Variants in PKD2 observed in about 807,000 individuals in gnomAD.
PKD2 encodes polycystin-2.
In PKD2, 48 loss-of-function variants were observed where a neutral mutation model predicts 105.9. That is an observed-to-expected ratio of 0.45 (90% CI 0.36 to 0.58). The LOEUF (loss-of-function observed/expected upper bound fraction) is 0.58. PKD2 is among the 20% of genes least tolerant of loss of function. PKD2 has a pLI of 0.00. For synonymous variants in PKD2, 464 were observed against 481.1 expected (o/e 0.96, Z 0.46); for missense variants, 1,078 against 1,255.3 (o/e 0.86, Z 2.13).
chr4:88,020,440 C>T (rs1241086988), intron 2 of PKD2, among the ~76,000 whole-genome samples: 1 of 152,102 alleles, frequency 6.6e-6, no homozygotes, highest in Non-Finnish European at 1.5e-5. Context: ...TTCTTTCCTT[C>T]TTTCAGTTCG....
intron 10 of PKD2, among the ~76,000 whole-genome samples, chr4:88,062,567 A>G (rs912858012): frequency 3.3e-5 from 5 of 152,240 alleles, no homozygotes; most frequent in Non-Finnish European, 7.3e-5. Context: ...ATTGTTAAAT[A>G]GAAGGGCAGG....
chr4:88,048,451 C>T (rs1437761366), intron 6 of PKD2, among the ~76,000 whole-genome samples: 1 of 152,074 alleles, frequency 6.6e-6, no homozygotes, highest in African/African-American at 2.4e-5. Context: ...CCATATATTG[C>T]ATGGCAATAA....
intron 2 of PKD2, among the ~76,000 whole-genome samples, chr4:88,024,457 GAAAAAAAAAAAAAA>G (rs552942631): frequency 2.0e-4 from 10 of 50,388 alleles, no homozygotes; most frequent in South Asian, 9.6e-4. Flanking sequence ...ACTCTGTCTC[GAAAAAAAAAAAAAA>G]AAAAAAAAAA....
At chr4:88,015,494 C>T (rs1397443354) in intron 1 of PKD2, among the ~76,000 whole-genome samples, 1 of 151,424 alleles carries the variant, frequency 6.6e-6, no homozygotes, top group Non-Finnish European at 1.5e-5. Flanking sequence ...CTCACTGTAG[C>T]CTCCGCCTCC....
At chr4:88,073,342 T>G (rs1721108900) in intron 13 of PKD2, among the ~76,000 whole-genome samples, 1 of 151,900 alleles carries the variant, frequency 6.6e-6, no homozygotes, top group African/African-American at 2.4e-5. Flanking sequence ...CTGGCCAACG[T>G]GGTGAAACCC....
rs1348377640 is a variant in PKD2 at position 88,008,088 on chromosome 4, C to A, written c.355C>A (p.Arg119Ser). ...GGTGGTGGAGATGGACGTAGAGTGG[C>A]GCCCGGGCAGCCGGAGGTCGGCCGC... ...GMVVEMDVEW[R>S]PGSRRSAASS... is the part of the protein sequence containing the mutation. The change falls in exon 1 of 15, where the codon CGC (arginine) becomes AGC (serine). Residue 119 changes from arginine to serine, a missense_variant. Transcript: ENST00000237596. 2.0e-6 allele frequency: 3 copies of A among 1,518,320 alleles called. No homozygotes were observed. Among genetic ancestry groups the A allele is most frequent in the Non-Finnish European group, 2.6e-6 (3 of 1,138,334 alleles). 94.1% of individuals were successfully genotyped at this position (1,518,320 alleles called of 1,614,324 possible).
intron 2 of PKD2, among the ~76,000 whole-genome samples, chr4:88,025,798 TAGTG>T (rs1399756414): frequency 1.3e-5 from 2 of 152,126 alleles, no homozygotes; most frequent in African/African-American, 4.8e-5. Flanking sequence ...GTTCTCATGA[TAGTG>T]AGTGAGTTCT....
At chr4:88,043,946 G>A (rs1044019688) in intron 5 of PKD2, among the ~76,000 whole-genome samples, 2 of 152,156 alleles carry the variant, frequency 1.3e-5, no homozygotes, top group African/African-American at 4.8e-5. Context: ...GCTACCAAAG[G>A]CACGTAAAGT....
Position 88,068,030 on chromosome 4 carries a change from T to C in PKD2, c.2491T>C (p.Ser831Pro), listed in dbSNP as rs149728995. The change falls in exon 13 of 15, where the codon TCT becomes CCT. Residue 831 changes from serine to proline, a missense_variant. By Grantham distance (74) the Ser-to-Pro change is moderately conservative. Coordinates refer to ENST00000237596, the MANE Select transcript of PKD2 (RefSeq NM_000297.4). ...TAGCTCCAGAAGGAGGGGAAGCATT[T>C]CTAGTGGCGTTTCTTACGAAGAGTT... ...GHSSRRRGSI[S>P]SGVSYEEFQV... 6.8e-6 allele frequency: 11 copies of C among 1,614,008 alleles called. No individual in the cohort carries two copies. In the African/African-American group the frequency reaches 1.5e-4, roughly 22 times the overall value.
intron 13 of PKD2, among the ~76,000 whole-genome samples, chr4:88,071,975 CTTTTTTTTTTT>C (rs1199490302): frequency 1.1e-5 from 1 of 87,112 alleles, no homozygotes; most frequent in Non-Finnish European, 2.1e-5. Context: ...AGAGGCCAGT[CTTTTTTTTTTT>C]TTTTTTTTTT....
intron 13 of PKD2, among the ~76,000 whole-genome samples, chr4:88,073,134 T>C (rs565055023): frequency 6.7e-6 from 1 of 149,456 alleles, no homozygotes; most frequent in Non-Finnish European, 1.5e-5. Context: ...GAGTATCACT[T>C]GACGCTAGGA....
chr4:88,072,336 T>C, intron 13 of PKD2, among the ~76,000 whole-genome samples: 1 of 152,176 alleles, frequency 6.6e-6, no homozygotes, highest in East Asian at 1.9e-4. Flanking sequence ...TGGTTCTCTC[T>C]GGTGAACTAG....
intron 6 of PKD2, among the ~76,000 whole-genome samples, chr4:88,051,724 A>G (rs977745272): frequency 2.0e-5 from 3 of 152,158 alleles, no homozygotes; most frequent in African/African-American, 7.2e-5. Flanking sequence ...TGTGTGTGTA[A>G]TGTATATGTG....
rs1726677053 is a variant in PKD2 at position 88,019,518 on chromosome 4, G to A, written c.656G>A (p.Ser219Asn). 1.2e-6 allele frequency: 2 copies of A among 1,608,576 alleles called. No homozygotes were observed. Among genetic ancestry groups the A allele is most frequent in the Non-Finnish European group, 1.7e-6 (2 of 1,175,178 alleles). Reference sequence around the variant, plus strand: ...ACTAACCGAGAGAAATACCTTAAAAGTGTTTTACGGGAACTGGTCACATAC... The same window carrying A: ...ACTAACCGAGAGAAATACCTTAAAAATGTTTTACGGGAACTGGTCACATAC... ...SSTNREKYLK[S>N]VLRELVTYLL... Residue 219 changes from serine to asparagine, a missense_variant, in exon 2 of 15, where the codon AGT becomes AAT. Ser to Asn is a conservative substitution (Grantham distance 46). Around this residue, in one of 2 missense-constraint regions of PKD2, gnomAD observed 868 missense variants for 1,067.3 expected, o/e 0.81. Transcript: ENST00000237596.
At position 88,065,745 on chromosome 4, in the gene PKD2, CCT is replaced by C. The variant is rs745953721; in HGVS notation, c.2241-10_2241-9del. 6 of 1,533,762 alleles carry C rather than the reference CCT, an allele frequency of 3.9e-6. No homozygotes were observed. The highest frequency in any genetic ancestry group is 5.4e-6 in the Non-Finnish European group (6 of 1,106,714). ...TACAAGGAATGATTTTTATCTGTAT[CCT>C]CTCTCTAATTTCAGGAAGGGCCATA... On this transcript the variant is annotated splice_polypyrimidine_tract_variant and intron_variant, in intron 11 of 14. Transcript: ENST00000237596.
intron 3 of PKD2, among the ~76,000 whole-genome samples, chr4:88,036,847 C>A (rs1354108310): frequency 2.0e-5 from 3 of 152,160 alleles, no homozygotes; most frequent in Non-Finnish European, 4.4e-5. Flanking sequence ...TCTTGCTTCG[C>A]CTTTTGTGTT....
Position 88,007,791 on chromosome 4 carries a change from G to A in PKD2, c.58G>A (p.Ala20Thr), listed in dbSNP as rs1490499917. ...QQPGDAKRPP[A>T]PRAPDPGRLM... The stretch of plus-strand genomic sequence containing the variant: ...GCCCGGGGACGCCAAGCGGCCGCCC[G>A]CGCCCCGCGCGCCGGACCCGGGCCG... Residue 20 changes from alanine (A) to threonine (T), a missense_variant, in exon 1 of 15, where the codon GCG (alanine) becomes ACG (threonine). Ala to Thr is a moderately conservative substitution (Grantham distance 58, BLOSUM62 0). This residue lies in a region of PKD2 where 210 missense variants were observed against 187.9 expected (regional missense o/e 1.12). Transcript: ENST00000237596. The A allele has an allele frequency of 9.5e-6, 11 of 1,155,984 alleles. No individual in the cohort carries two copies. The highest frequency in any genetic ancestry group is 6.6e-5 in the African/African-American group (4 of 60,694). The allele number at this position is 1,155,984 out of a possible 1,614,324, so 71.6% of individuals were successfully genotyped here. A position where few individuals can be genotyped will look rare whatever the true frequency, so the allele number is the denominator to read the frequency against.
rs774482918 is a variant in PKD2 at position 88,043,247 on chromosome 4, G to A, written c.1109G>A (p.Ser370Asn). The change falls in exon 5 of 15, where the codon AGT becomes AAT. Residue 370 changes from serine to asparagine, a missense_variant. By Grantham distance (46) the Ser-to-Asn change is conservative. Coordinates refer to ENST00000237596, the MANE Select transcript of PKD2 (RefSeq NM_000297.4). ...PRNGTAWIYTSEKDLNGSSHW... is the reference protein window; with the variant it reads ...PRNGTAWIYTNEKDLNGSSHW... ...TTTTTAATCAGTTGGATCTACACAA[G>A]TGAAAAAGACTTGAATGGTAGTAGC... 1.9e-6 allele frequency: 3 copies of A among 1,608,702 alleles called. No homozygotes were observed. The highest frequency in any genetic ancestry group is 1.1e-5 in the South Asian group (1 of 90,980).
rs1455031562 is a variant in PKD2, at chr4:88,075,806, T to C, written c.*112T>C. ...GACCACCATAGGATGCTAGTCTTTGTGACCGATTGCTAATCTTCTGCACTT... is the reference window on the plus strand; with the variant it reads ...GACCACCATAGGATGCTAGTCTTTGCGACCGATTGCTAATCTTCTGCACTT... On this transcript the variant is annotated 3_prime_UTR_variant, in exon 15 of 15. Transcript: ENST00000237596. The C allele has an allele frequency of 1.3e-6, 1 of 791,870 alleles. No homozygotes were observed. The highest frequency in any genetic ancestry group is 2.2e-6 in the Non-Finnish European group (1 of 445,052). 49.1% of individuals were successfully genotyped at this position (791,870 alleles called of 1,614,324 possible). A position where few individuals can be genotyped will look rare whatever the true frequency, so the allele number is the denominator to read the frequency against.
Sources: gnomAD v4.1 joint callset for allele counts (sites outside exome capture counted in the v4.1 genomes callset) on GRCh38, gnomAD v4.1.1 for gene constraint, gnomAD v4.1.1 regional missense constraint, MANE v1.5 for transcripts, NCBI Gene and HGNC (gene_info 2026-07-23, HGNC 2026-07-21) for gene names.